STXBP5L: variants seen among roughly 807,000 people sequenced by gnomAD.
STXBP5L encodes syntaxin binding protein 5L.
A neutral mutation model predicts 144.5 loss-of-function variants in STXBP5L; 65 were observed. The ratio of observed to expected loss-of-function variants is 0.45; its 90% confidence interval spans 0.37 to 0.55. The LOEUF (loss-of-function observed/expected upper bound fraction) is 0.55, where lower values mean the gene tolerates loss of function less well. Among genes scored for constraint, STXBP5L ranks in the 20% least tolerant of loss-of-function variants. The pLI, the probability that STXBP5L is intolerant of heterozygous loss-of-function variation, is 0.00. For synonymous variants in STXBP5L, 505 were observed against 469.6 expected (o/e 1.08, Z -0.97); for missense variants, 1,298 against 1,405.5 (o/e 0.92, Z 1.22).
rs1339460566 is a variant in STXBP5L at position 121,257,131 on chromosome 3, T to C, written c.1660-30T>C. On this transcript the variant is annotated intron_variant, in intron 16 of 26. Transcript: ENST00000471454. The stretch of plus-strand genomic sequence containing the variant: ...TAAAACGATGATTATTAGTGTGACT[T>C]AAATTAAATTTAAACTTGATTTTTT... 8 of 1,519,168 alleles carry C rather than the reference T, an allele frequency of 5.3e-6. No individual in the cohort carries two copies. The African/African-American group carries it at 6.9e-5, about 13-fold the overall frequency. 94.1% of individuals were successfully genotyped at this position (1,519,168 alleles called of 1,614,324 possible).
intron 22 of STXBP5L, among the ~76,000 whole-genome samples, chr3:121,399,286 TC>T (rs1560056966): frequency 1.3e-5 from 2 of 152,178 alleles, no homozygotes; most frequent in African/African-American, 4.8e-5. Flanking sequence ...TACTCGGGTG[TC>T]CTCCAGCTAG....
chr3:121,153,261 A>C (rs922745430), intron 8 of STXBP5L, among the ~76,000 whole-genome samples: 1 of 152,026 alleles, frequency 6.6e-6, no homozygotes, highest in Admixed American at 6.6e-5. Context: ...TTATTTTTCC[A>C]TTCAGAAGAG....
At chr3:121,237,636 T>C (rs1313928830) in intron 12 of STXBP5L, among the ~76,000 whole-genome samples, 1 of 152,242 alleles carries the variant, frequency 6.6e-6, no homozygotes, top group Non-Finnish European at 1.5e-5. Flanking sequence ...TTTTCAAATG[T>C]TAATGCTCGT....
intron 2 of STXBP5L, among the ~76,000 whole-genome samples, chr3:120,919,623 A>G (rs1475652351): frequency 6.6e-6 from 1 of 151,930 alleles, no homozygotes; most frequent in African/African-American, 2.4e-5. Context: ...GGTAATATTC[A>G]ATATTCTTGT....
intron 3 of STXBP5L, among the ~76,000 whole-genome samples, chr3:121,006,407 A>G (rs1242987220): frequency 6.6e-6 from 1 of 152,012 alleles, no homozygotes. Flanking sequence ...TTTGCTTGGT[A>G]GATCTTCCTC....
At chr3:121,026,222 C>A (rs1185410174) in intron 3 of STXBP5L, among the ~76,000 whole-genome samples, 3 of 151,672 alleles carry the variant, frequency 2.0e-5, no homozygotes, top group Admixed American at 2.0e-4. Flanking sequence ...GCACCATTAA[C>A]CTTTTACAGT....
intron 23 of STXBP5L, among the ~76,000 whole-genome samples, chr3:121,408,476 A>G (rs2047044335): frequency 6.6e-6 from 1 of 151,996 alleles, no homozygotes; most frequent in African/African-American, 2.4e-5. Flanking sequence ...CATTATAACA[A>G]AAAGAAAATA....
At chr3:121,310,680 A>T (rs1317741888) in intron 19 of STXBP5L, among the ~76,000 whole-genome samples, 1 of 152,062 alleles carries the variant, frequency 6.6e-6, no homozygotes. Flanking sequence ...AGGCCAAGGC[A>T]GGTAGACCAC....
At chr3:121,329,424 G>A (rs1039634157) in intron 20 of STXBP5L, among the ~76,000 whole-genome samples, 1 of 152,176 alleles carries the variant, frequency 6.6e-6, no homozygotes, top group Non-Finnish European at 1.5e-5. Flanking sequence ...GGTTAGAACT[G>A]AGACAAATCA....
chr3:121,324,442 C>A, intron 20 of STXBP5L: 1 of 623,010 alleles, frequency 1.6e-6, no homozygotes, highest in South Asian at 1.8e-5. Context: ...ATTATTGGTT[C>A]ACTTAGGCTA....
chr3:120,977,029 G>T (rs1941122108), intron 3 of STXBP5L, among the ~76,000 whole-genome samples: 2 of 152,120 alleles, frequency 1.3e-5, no homozygotes, highest in South Asian at 2.1e-4. Context: ...CTGTTGATTT[G>T]GGGTGGAGAG....
At chr3:121,202,033 G>A (rs2108216311) in intron 9 of STXBP5L, among the ~76,000 whole-genome samples, 1 of 152,268 alleles carries the variant, frequency 6.6e-6, no homozygotes, top group Middle Eastern at 3.4e-3. Flanking sequence ...TGGGATTACA[G>A]GAATCAGCCA....
At chr3:121,065,817 A>G (rs548608351) in intron 5 of STXBP5L, among the ~76,000 whole-genome samples, 2 of 152,242 alleles carry the variant, frequency 1.3e-5, no homozygotes, top group Admixed American at 1.3e-4. Context: ...CTGAGGTTTG[A>G]CTGGGAAAGG....
At chr3:121,100,047 T>C (rs1167894857) in intron 5 of STXBP5L, among the ~76,000 whole-genome samples, 1 of 152,070 alleles carries the variant, frequency 6.6e-6, no homozygotes, top group Admixed American at 6.6e-5. Context: ...ACATGAAAAT[T>C]TAACTATCCC....
intron 19 of STXBP5L, among the ~76,000 whole-genome samples, chr3:121,313,470 C>T (rs1210188099): frequency 2.3e-5 from 2 of 86,052 alleles, no homozygotes; most frequent in African/African-American, 5.2e-5. Context: ...CTGGACGGGG[C>T]GACTGGCCGG....
chr3:120,939,541 A>G (rs1576451740), intron 2 of STXBP5L, among the ~76,000 whole-genome samples: 2 of 152,322 alleles, frequency 1.3e-5, no homozygotes, highest in East Asian at 3.9e-4. Flanking sequence ...AGCTATTCAT[A>G]TTTATAGAAA....
At chr3:120,992,248 G>A (rs1942970008) in intron 3 of STXBP5L, among the ~76,000 whole-genome samples, 1 of 152,090 alleles carries the variant, frequency 6.6e-6, no homozygotes, top group Non-Finnish European at 1.5e-5. Context: ...GATCAACTCA[G>A]AATGTTTAGC....
At chr3:121,064,845 G>A (rs75872421) in intron 5 of STXBP5L, among the ~76,000 whole-genome samples, 18,235 of 152,126 alleles carry the variant, frequency 0.12, 1,148 homozygotes, top group Non-Finnish European at 0.14. Context: ...TCGCCCAGGT[G>A]GTGAGCATAG....
chr3:121,224,582 A>C (rs1263274062), intron 11 of STXBP5L, among the ~76,000 whole-genome samples: 1 of 152,160 alleles, frequency 6.6e-6, no homozygotes, highest in Non-Finnish European at 1.5e-5. Context: ...GAAAGACCTT[A>C]ATTAAGTGCT....
Sources: allele counts gnomAD v4.1 joint callset (sites outside exome capture counted in the v4.1 genomes callset), GRCh38; gene constraint gnomAD v4.1.1; transcripts MANE v1.5; gene names NCBI Gene and HGNC (gene_info 2026-07-23, HGNC 2026-07-21).